The following NCKAP5 variants were observed in gnomAD, a reference collection of about 807,000 sequenced individuals.
The protein encoded by NCKAP5 is NCK associated protein 5.
Under a neutral mutation model 167.0 loss-of-function variants are expected in NCKAP5, and 92 were observed. That is an observed-to-expected ratio of 0.55 (90% confidence interval 0.47 to 0.66). The LOEUF is 0.66. NCKAP5 is among the 30% of genes least tolerant of loss of function. The pLI is 0.00. For missense variants in NCKAP5, 2,378 were observed against 2,315.0 expected (o/e 1.03, Z -0.56); for synonymous variants, 891 against 877.4 (o/e 1.02, Z -0.27).
intron 11 of NCKAP5, among the ~76,000 whole-genome samples, chr2:132,811,151 C>G (rs1039397288): frequency 6.6e-6 from 1 of 152,274 alleles, no homozygotes; most frequent in Admixed American, 6.5e-5. Flanking sequence ...TGGATACCAG[C>G]AACTGTTCTG....
At chr2:132,966,336 G>A (rs1247278174) in intron 7 of NCKAP5, among the ~76,000 whole-genome samples, 1 of 152,134 alleles carries the variant, frequency 6.6e-6, no homozygotes, top group Admixed American at 6.6e-5. Context: ...CTGACCTCAG[G>A]TGATCCACCC....
At chr2:133,287,827 G>C (rs1182732195) in intron 4 of NCKAP5, among the ~76,000 whole-genome samples, 1 of 152,172 alleles carries the variant, frequency 6.6e-6, no homozygotes, top group Non-Finnish European at 1.5e-5. Context: ...ATTTGGAATG[G>C]AGAGAGAGGC....
At chr2:132,697,998 T>C (rs964855438) in intron 19 of NCKAP5, among the ~76,000 whole-genome samples, 1 of 152,208 alleles carries the variant, frequency 6.6e-6, no homozygotes, top group African/African-American at 2.4e-5. Flanking sequence ...TTTTGTGCCT[T>C]TTATTGGCCC....
At chr2:132,734,330 T>G (rs1691308151) in intron 16 of NCKAP5, among the ~76,000 whole-genome samples, 4 of 152,222 alleles carry the variant, frequency 2.6e-5, no homozygotes. Context: ...ACTTCAGATT[T>G]ACATGTCCAT....
At chr2:133,487,108 C>T (rs1680975433) in intron 3 of NCKAP5, among the ~76,000 whole-genome samples, 1 of 152,122 alleles carries the variant, frequency 6.6e-6, no homozygotes, top group African/African-American at 2.4e-5. Flanking sequence ...GTTCATAGCC[C>T]ACATTTCTTT....
intron 8 of NCKAP5, among the ~76,000 whole-genome samples, chr2:132,902,108 ACCCG>A (rs1693673876): frequency 1.3e-5 from 2 of 152,216 alleles, no homozygotes; most frequent in Non-Finnish European, 2.9e-5. Context: ...ATGATAATAA[ACCCG>A]ATTTTACAGC....
At chr2:133,645,687 A>G in the NCKAP5 span, among the ~76,000 whole-genome samples, 1 of 152,248 alleles carries the variant, frequency 6.6e-6, no homozygotes, top group African/African-American at 2.4e-5. Context: ...TTCATCAAAA[A>G]TACCTACATG....
intron 12 of NCKAP5, among the ~76,000 whole-genome samples, chr2:132,791,246 A>G (rs1391800784): frequency 6.6e-6 from 1 of 152,242 alleles, no homozygotes; most frequent in East Asian, 1.9e-4. Context: ...AGCACAGCAG[A>G]CACGAAACTC....
chr2:133,047,171 C>T lies in NCKAP5; in HGVS notation c.342-52932G>A, dbSNP rs190045451. On this transcript the variant is annotated intron_variant, in intron 6 of 19. Coordinates refer to ENST00000409261, the MANE Select transcript of NCKAP5 (RefSeq NM_207363.3). ...CTCACCACGCAGACTACTTTTCATG[C>T]CTGCTATGTGAACACAAAGCTTTGT... 1.1e-3 allele frequency among the ~76,000 whole-genome samples: 175 copies of T among 152,312 alleles called. 1 individual carries two copies. The highest frequency in any genetic ancestry group is 4.1e-3 in the African/African-American group (169 of 41,570).
intron 4 of NCKAP5, among the ~76,000 whole-genome samples, chr2:133,246,819 T>G (rs1003774057): frequency 7.9e-5 from 12 of 152,296 alleles, no homozygotes; most frequent in African/African-American, 2.9e-4. Flanking sequence ...AATGAGGAGA[T>G]GCAGAATAAA....
the NCKAP5 span, among the ~76,000 whole-genome samples, chr2:133,602,371 TG>T: frequency 6.6e-6 from 1 of 152,054 alleles, no homozygotes; most frequent in African/African-American, 2.4e-5. Context: ...GGAGGACTTG[TG>T]GGGTGTAGAC....
chr2:133,057,213 A>G (rs1280319390), intron 6 of NCKAP5, among the ~76,000 whole-genome samples: 1 of 152,182 alleles, frequency 6.6e-6, no homozygotes, highest in African/African-American at 2.4e-5. Context: ...AGGCCTCCCA[A>G]TTAATTGAGA....
At chr2:133,642,611 G>T in the NCKAP5 span, among the ~76,000 whole-genome samples, 19,139 of 152,080 alleles carry the variant, frequency 0.13, 2,450 homozygotes, top group East Asian at 0.45. Context: ...AGAGTGAGAC[G>T]AACATGTTTT....
intron 6 of NCKAP5, among the ~76,000 whole-genome samples, chr2:133,016,568 G>A (rs905870215): frequency 6.6e-6 from 1 of 152,204 alleles, no homozygotes; most frequent in African/African-American, 2.4e-5. Context: ...ATTAAATAGT[G>A]TTAATGCTAT....
intron 19 of NCKAP5, among the ~76,000 whole-genome samples, chr2:132,691,150 C>G (rs1686678766): frequency 6.6e-6 from 1 of 152,164 alleles, no homozygotes; most frequent in East Asian, 1.9e-4. Flanking sequence ...CAACTTTAAT[C>G]CAGTCATTCT....
intron 6 of NCKAP5, among the ~76,000 whole-genome samples, chr2:133,091,320 T>C (rs1475456874): frequency 6.6e-6 from 1 of 152,196 alleles, no homozygotes; most frequent in Non-Finnish European, 1.5e-5. Flanking sequence ...ACCTTTCCTG[T>C]CCCTCTCCAG....
intron 8 of NCKAP5, among the ~76,000 whole-genome samples, chr2:132,933,553 C>T (rs936891426): frequency 6.6e-6 from 1 of 152,278 alleles, no homozygotes; most frequent in South Asian, 2.1e-4. Context: ...TTGATAACTG[C>T]CTTTAATTGT....
At chr2:133,021,841 G>C (rs753534329) in intron 6 of NCKAP5, among the ~76,000 whole-genome samples, 3 of 152,086 alleles carry the variant, frequency 2.0e-5, no homozygotes, top group Non-Finnish European at 2.9e-5. Flanking sequence ...ACTTTGCCCA[G>C]GCTGTTCTTG....
chr2:133,246,054 G>C (rs1163779533), intron 4 of NCKAP5, among the ~76,000 whole-genome samples: 1 of 152,112 alleles, frequency 6.6e-6, no homozygotes, highest in African/African-American at 2.4e-5. Context: ...AAGGCCTCAT[G>C]GAAGAGACGA....
Sources: gnomAD v4.1 joint callset for allele counts (sites outside exome capture counted in the v4.1 genomes callset) on GRCh38, gnomAD v4.1.1 for gene constraint, MANE v1.5 for transcripts, NCBI Gene and HGNC (gene_info 2026-07-23, HGNC 2026-07-21) for gene names.